ANKRD55: variants seen among roughly 807,000 people sequenced by gnomAD.
ANKRD55 encodes ankyrin repeat domain 55.
A neutral mutation model predicts 60.6 loss-of-function variants in ANKRD55; 41 were observed. That is an observed-to-expected ratio of 0.68 (90% confidence interval 0.53 to 0.88). ANKRD55 has a LOEUF of 0.88. Among genes scored for constraint, ANKRD55 ranks in the 40% least tolerant of loss-of-function variants. ANKRD55 has a pLI of 0.00. For synonymous variants in ANKRD55, 264 were observed against 290.3 expected, an observed-to-expected ratio of 0.91 and a Z score of 0.92; for missense variants, 732 against 767.6, an observed-to-expected ratio of 0.95 and a Z score of 0.55.
intron 2 of ANKRD55, among the ~76,000 whole-genome samples, chr5:56,230,387 C>T (rs868722877): frequency 5.3e-5 from 8 of 152,324 alleles, no homozygotes; most frequent in South Asian, 2.1e-4. Context: ...GCCTTGCGCC[C>T]GGCCCAGATG....
At chr5:56,230,075 T>C (rs531628954) in intron 2 of ANKRD55, among the ~76,000 whole-genome samples, 1 of 152,234 alleles carries the variant, frequency 6.6e-6, no homozygotes, top group Non-Finnish European at 1.5e-5. Context: ...AGCATCAGCA[T>C]TTTCAGAATT....
intron 5 of ANKRD55, among the ~76,000 whole-genome samples, chr5:56,169,466 T>C (rs1399975356): frequency 6.6e-6 from 1 of 151,704 alleles, no homozygotes; most frequent in Non-Finnish European, 1.5e-5. Flanking sequence ...GAGGGAGTCA[T>C]CCCCTCACGA....
chr5:56,112,671 TC>T (rs1435155054), intron 9 of ANKRD55, among the ~76,000 whole-genome samples: 5 of 152,096 alleles, frequency 3.3e-5, no homozygotes, highest in African/African-American at 1.2e-4. Flanking sequence ...GTCGAGAGGT[TC>T]CCTGAGGCAA....
chr5:56,193,498 G>A, intron 2 of ANKRD55: 1 of 462,800 alleles, frequency 2.2e-6, no homozygotes, highest in Non-Finnish European at 4.0e-6. Context: ...AACTGTGTAT[G>A]TGTTAGAATA....
intron 9 of ANKRD55, among the ~76,000 whole-genome samples, chr5:56,114,962 AC>A (rs1756842539): frequency 6.6e-6 from 1 of 152,048 alleles, no homozygotes; most frequent in African/African-American, 2.4e-5. Context: ...AGGTGGGAGG[AC>A]TGCTTGAGGC....
At chr5:56,174,371 G>C (rs1758690485) in intron 4 of ANKRD55, among the ~76,000 whole-genome samples, 2 of 152,146 alleles carry the variant, frequency 1.3e-5, no homozygotes, top group African/African-American at 4.8e-5. Flanking sequence ...GTCAACTTTA[G>C]AAACCCCTTC....
rs71602938 is a variant in ANKRD55 at position 56,106,420 on chromosome 5, CTTTT to C, written c.1631-3838_1631-3835del. 1.8e-3 allele frequency among the ~76,000 whole-genome samples: 170 copies of C among 96,896 alleles called. 2 individuals are homozygous for C. The highest frequency in any genetic ancestry group is 9.3e-3 in the African/African-American group (159 of 17,120). The allele number at this position is 96,896 out of a possible 152,430, so 63.6% of individuals were successfully genotyped here. A position where few individuals can be genotyped will look rare whatever the true frequency, so the allele number is the denominator to read the frequency against. ...AATAAAATCCGTAAGGCTAGGAAAG[CTTTT>C]TTTTTTTTTTTTTTTTTTTGAGACA... On this transcript the variant is annotated intron_variant, in intron 10 of 11. Transcript: ENST00000341048.
At chr5:56,173,540 G>A (rs1435810395) in intron 4 of ANKRD55, among the ~76,000 whole-genome samples, 4 of 75,982 alleles carry the variant, frequency 5.3e-5, no homozygotes, top group African/African-American at 2.2e-4. Context: ...GTAGAGATTC[G>A]CCTCTCTCTC....
chr5:56,220,550 C>T (rs1023473617), intron 2 of ANKRD55, among the ~76,000 whole-genome samples: 5 of 152,210 alleles, frequency 3.3e-5, no homozygotes, highest in Non-Finnish European at 7.3e-5. Flanking sequence ...CACAGTGGCT[C>T]ACGCCTGTAC....
chr5:56,191,463 T>C (rs1759090567), intron 2 of ANKRD55, among the ~76,000 whole-genome samples: 1 of 152,224 alleles, frequency 6.6e-6, no homozygotes, highest in Non-Finnish European at 1.5e-5. Flanking sequence ...TCTCATACTA[T>C]TGTAAATAGA....
At chr5:56,181,424 T>G (rs1240109191) in intron 3 of ANKRD55, among the ~76,000 whole-genome samples, 1 of 152,172 alleles carries the variant, frequency 6.6e-6, no homozygotes, top group Non-Finnish European at 1.5e-5. Flanking sequence ...ATTATTAATA[T>G]GTGTTAAATT....
intron 3 of ANKRD55, among the ~76,000 whole-genome samples, chr5:56,182,147 T>C (rs1037920782): frequency 1.3e-5 from 2 of 152,150 alleles, no homozygotes; most frequent in Non-Finnish European, 2.9e-5. Context: ...AGGTGGCTCA[T>C]ATCTATAATC....
intron 9 of ANKRD55, among the ~76,000 whole-genome samples, chr5:56,112,510 A>AAAAAAAAAAAAAAAAAAAAAAAC (rs1554036580): frequency 7.2e-6 from 1 of 137,998 alleles, no homozygotes; most frequent in East Asian, 2.1e-4. Context: ...CTAGCAAAAA[A>AAAAAAAAAAAAAAAAAAAAAAAC]AAAAAAAAAA....
intron 5 of ANKRD55, among the ~76,000 whole-genome samples, chr5:56,166,936 G>T (rs572287918): frequency 1.3e-5 from 2 of 152,236 alleles, no homozygotes; most frequent in African/African-American, 4.8e-5. Flanking sequence ...GAGACCAAGG[G>T]CTTAATGTCA....
intron 7 of ANKRD55, among the ~76,000 whole-genome samples, chr5:56,141,478 G>A (rs773336513): frequency 1.3e-5 from 2 of 152,214 alleles, no homozygotes; most frequent in East Asian, 1.9e-4. Flanking sequence ...AGGCCTGGAC[G>A]TGAGTATTGT....
chr5:56,196,988 G>A (rs1206620243), intron 2 of ANKRD55, among the ~76,000 whole-genome samples: 1 of 152,120 alleles, frequency 6.6e-6, no homozygotes, highest in Non-Finnish European at 1.5e-5. Flanking sequence ...AGGGGCAGGG[G>A]CCAGCAGTTG....
Position 56,135,290 on chromosome 5 carries a change from G to GT in ANKRD55, c.613-8185_613-8184insA, listed in dbSNP as rs1757544282. On this transcript the variant is annotated intron_variant, in intron 7 of 11. Transcript: ENST00000341048. ...TCCCTCCCTCCCTCCCTGCCTGCCT[G>GT]CTTGCTTTCTTTCTTTCTTTCTTTC... Among the ~76,000 whole-genome samples the GT allele has an allele frequency of 5.8e-5, 4 of 69,302 alleles. 1 individual carries two copies. The highest frequency in any genetic ancestry group is 2.2e-4 in the African/African-American group (4 of 17,974). The allele number at this position is 69,302 out of a possible 152,430, so 45.5% of individuals were successfully genotyped here.
chr5:56,166,086 T>TTCTC (rs1554040773), intron 5 of ANKRD55, among the ~76,000 whole-genome samples: 50 of 91,846 alleles, frequency 5.4e-4, no homozygotes, highest in East Asian at 1.7e-3. Flanking sequence ...TTTCTTTTCT[T>TTCTC]TTTCTTTCTT....
chr5:56,165,648 C>T (rs549662226), intron 5 of ANKRD55, among the ~76,000 whole-genome samples: 3 of 152,192 alleles, frequency 2.0e-5, no homozygotes, highest in South Asian at 4.1e-4. Context: ...GTACTTACTT[C>T]GCCAGGTGTG....
Sources: gnomAD v4.1 joint callset for allele counts (sites outside exome capture counted in the v4.1 genomes callset) on GRCh38, gnomAD v4.1.1 for gene constraint, MANE v1.5 for transcripts, NCBI Gene and HGNC (gene_info 2026-07-23, HGNC 2026-07-21) for gene names.